The following DAB1 variants were observed in gnomAD, a reference collection of about 807,000 sequenced individuals.
The protein encoded by DAB1 is DAB adaptor protein 1, also known as disabled homolog 1.
Under a neutral mutation model 64.6 loss-of-function variants are expected in DAB1, and 15 were observed. That is an observed-to-expected ratio of 0.23 (90% CI 0.16 to 0.36). The LOEUF (loss-of-function observed/expected upper bound fraction) is 0.36, where lower values mean the gene tolerates loss of function less well. Ranked by LOEUF, DAB1 falls within the 10% of genes least tolerant of loss-of-function variation. DAB1 has a pLI of 1.00. For missense variants in DAB1, 596 were observed against 706.7 expected (o/e 0.84, Z 1.78); for synonymous variants, 235 against 251.9 (o/e 0.93, Z 0.64).
At chr1:57,047,208 T>C (rs1184018799) in intron 9 of DAB1, among the ~76,000 whole-genome samples, 1 of 152,176 alleles carries the variant, frequency 6.6e-6, no homozygotes, top group African/African-American at 2.4e-5. Flanking sequence ...ATCCCAACAA[T>C]AGTTTGGGAG....
chr1:57,250,172 G>T (rs1034683262), intron 2 of DAB1, among the ~76,000 whole-genome samples: 3 of 152,212 alleles, frequency 2.0e-5, no homozygotes, highest in Non-Finnish European at 4.4e-5. Flanking sequence ...GCTGAAACCA[G>T]ATCAGTGCCC....
At chr1:57,752,112 C>T (rs1323816) in intron 6 of DAB1, among the ~76,000 whole-genome samples, 64,977 of 152,038 alleles carry the variant, frequency 0.43, 15,124 homozygotes, top group African/African-American at 0.62. Context: ...AGTTCAGGCG[C>T]GGATTCAAAC....
chr1:57,386,905 T>C (rs1681915841), intron 1 of DAB1: 1 of 152,236 alleles, frequency 6.6e-6, no homozygotes, highest in South Asian at 2.1e-4. Context: ...ATCTGTGAGC[T>C]GCCTGCTGAT....
chr1:57,207,733 C>T lies in DAB1; in HGVS notation c.68-62304G>A, dbSNP rs1225507955. Among the ~76,000 whole-genome samples the T allele has an allele frequency of 3.3e-5, 5 of 152,188 alleles. No individual in the cohort carries two copies. The South Asian group carries it at 6.2e-4, about 19-fold the overall frequency. On this transcript the variant is annotated intron_variant, in intron 2 of 14. Coordinates refer to ENST00000371236, the MANE Select transcript of DAB1 (RefSeq NM_001365792.1). Reference sequence around the variant, plus strand: ...TGCTGGGATTACAGGCGTGAGCCACCGCGCCCGGCACCTTATTTCCTTTCA... The same window carrying T: ...TGCTGGGATTACAGGCGTGAGCCACTGCGCCCGGCACCTTATTTCCTTTCA...
chr1:58,518,649 C>G (rs573837431), intron 2 of DAB1, among the ~76,000 whole-genome samples: 1 of 150,122 alleles, frequency 6.7e-6, no homozygotes, highest in South Asian at 2.1e-4. Context: ...CCCTGGAGGA[C>G]TCCAGGGTTT....
At chr1:58,267,506 C>T (rs553382) in intron 4 of DAB1, among the ~76,000 whole-genome samples, 139,864 of 152,122 alleles carry the variant, frequency 0.92, 64,293 homozygotes, top group South Asian at 0.95. Context: ...AAAAAGTTCC[C>T]TTGAAAAAGT....
At chr1:58,455,036 T>C in intron 3 of DAB1, among the ~76,000 whole-genome samples, 1 of 152,226 alleles carries the variant, frequency 6.6e-6, no homozygotes, top group East Asian at 1.9e-4. Flanking sequence ...CTTTTCCATC[T>C]GTTTCCCTAT....
intron 4 of DAB1, among the ~76,000 whole-genome samples, chr1:58,333,706 T>A (rs777113247): frequency 6.6e-6 from 1 of 152,228 alleles, no homozygotes; most frequent in Admixed American, 6.5e-5. Context: ...GGTTTTCACA[T>A]AAATCTGTTA....
At chr1:58,075,137 C>G (rs1174449770) in intron 5 of DAB1, among the ~76,000 whole-genome samples, 1 of 152,156 alleles carries the variant, frequency 6.6e-6, no homozygotes, top group Non-Finnish European at 1.5e-5. Context: ...ATTCCAACCA[C>G]CTAGGAAACA....
At chr1:57,429,978 G>A (rs548340366) in intron 7 of DAB1, among the ~76,000 whole-genome samples, 2 of 152,210 alleles carry the variant, frequency 1.3e-5, no homozygotes, top group South Asian at 4.2e-4. Context: ...AAAGTCTTTT[G>A]TGGTTCCATA....
At chr1:57,131,110 C>T (rs956028320) in intron 4 of DAB1, among the ~76,000 whole-genome samples, 13 of 152,160 alleles carry the variant, frequency 8.5e-5, no homozygotes, top group African/African-American at 3.1e-4. Context: ...ACACACATTT[C>T]CTAACCACTC....
At chr1:57,651,838 T>C (rs1021148319) in intron 6 of DAB1, among the ~76,000 whole-genome samples, 41 of 152,340 alleles carry the variant, frequency 2.7e-4, no homozygotes, top group African/African-American at 9.6e-4. Flanking sequence ...ATATTTGTTG[T>C]TAGTGAAACC....
chr1:58,139,388 G>T (rs1184035248), intron 5 of DAB1, among the ~76,000 whole-genome samples: 3 of 152,138 alleles, frequency 2.0e-5, no homozygotes, highest in Admixed American at 6.5e-5. Context: ...GCAAGGCAGG[G>T]GAGGTCTCAG....
At chr1:57,997,964 C>T (rs548566437) in intron 5 of DAB1, among the ~76,000 whole-genome samples, 1 of 151,890 alleles carries the variant, frequency 6.6e-6, no homozygotes, top group African/African-American at 2.4e-5. Flanking sequence ...ATGATCAGTG[C>T]CAGAAGAGAA....
At chr1:58,089,332 G>A (rs114613241) in intron 5 of DAB1, among the ~76,000 whole-genome samples, 18 of 152,344 alleles carry the variant, frequency 1.2e-4, no homozygotes, top group Admixed American at 2.6e-4. Context: ...TGCATGCAGC[G>A]CCTAGAACTG....
chr1:57,014,538 A>C (rs2100322684), intron 12 of DAB1, among the ~76,000 whole-genome samples: 1 of 152,374 alleles, frequency 6.6e-6, no homozygotes, highest in Middle Eastern at 3.4e-3. Flanking sequence ...TAAGAGGCAG[A>C]GTAACATGGT....
rs1226300355 is a variant in DAB1, at chr1:57,708,979, AG to A, written n.552-59315del. Among the ~76,000 whole-genome samples, 20 of 152,252 alleles carry A rather than the reference AG, an allele frequency of 1.3e-4. No homozygotes were observed. In the South Asian group the frequency reaches 4.1e-3, roughly 32 times the overall value. On this transcript the variant is annotated intron_variant and non_coding_transcript_variant, in intron 6 of 20. Transcript: ENST00000485760. ...TGTTCCTGCAGGAAACAATCACACG[AG>A]GGCTCTATTTGTCCATCTGGTTCCA...
intron 7 of DAB1, among the ~76,000 whole-genome samples, chr1:57,576,436 T>TTA (rs1338069862): frequency 6.6e-6 from 1 of 152,184 alleles, no homozygotes; most frequent in Non-Finnish European, 1.5e-5. Flanking sequence ...ACTGCTGTCC[T>TTA]TATAAGAAGA....
Position 57,949,505 on chromosome 1 carries a change from ATC to A in DAB1, n.388-65345_388-65344del, listed in dbSNP as rs1333523000. Among the ~76,000 whole-genome samples, 871 of 147,658 alleles carry A rather than the reference ATC, an allele frequency of 5.9e-3. 3 individuals are homozygous for A. The highest frequency in any genetic ancestry group is 8.4e-3 in the African/African-American group (331 of 39,496). On this transcript the variant is annotated intron_variant and non_coding_transcript_variant, in intron 5 of 20. Transcript: ENST00000485760. Reference sequence around the variant, plus strand: ...TATCTATCTATCTATCTATCTATCTATCTATATCTGTCTGTCTGTCTGTCTGT... The same window carrying A: ...TATCTATCTATCTATCTATCTATCTATATATCTGTCTGTCTGTCTGTCTGT...
Sources: gnomAD v4.1 joint callset for allele counts (sites outside exome capture counted in the v4.1 genomes callset) on GRCh38, gnomAD v4.1.1 for gene constraint, MANE v1.5 for transcripts, NCBI Gene and HGNC (gene_info 2026-07-23, HGNC 2026-07-21) for gene names.